Variants in KCNIP4 observed in about 807,000 individuals in gnomAD.
The protein encoded by KCNIP4 is potassium voltage-gated channel interacting protein 4.
KCNIP4 carries 12 observed loss-of-function variants against 34.0 expected under a neutral mutation model. The ratio of observed to expected loss-of-function variants is 0.35; its 90% CI spans 0.23 to 0.57. The LOEUF is 0.57. Ranked by LOEUF, KCNIP4 falls within the 20% of genes least tolerant of loss-of-function variation. The pLI is 0.83. For missense variants in KCNIP4, 238 were observed against 311.7 expected (o/e 0.76, Z 1.78); for synonymous variants, 124 against 102.2 (o/e 1.21, Z -1.29).
At chr4:21,128,455 T>C (rs961522581) in intron 1 of KCNIP4, among the ~76,000 whole-genome samples, 9 of 152,226 alleles carry the variant, frequency 5.9e-5, no homozygotes, top group African/African-American at 1.2e-4. Context: ...TTTTTCCCTA[T>C]ATGAAGCCAA....
intron 1 of KCNIP4, among the ~76,000 whole-genome samples, chr4:21,236,924 T>G (rs1207276495): frequency 3.3e-5 from 5 of 151,362 alleles, no homozygotes; most frequent in African/African-American, 1.2e-4. Context: ...GAGAATTGCT[T>G]GAACCTGGGA....
chr4:21,196,990 A>C (rs1756101095), intron 1 of KCNIP4, among the ~76,000 whole-genome samples: 1 of 152,196 alleles, frequency 6.6e-6, no homozygotes, highest in Admixed American at 6.5e-5. Flanking sequence ...ATGCTGATAT[A>C]TCACCAAATT....
chr4:21,663,877 C>T (rs1748634334), intron 1 of KCNIP4, among the ~76,000 whole-genome samples: 1 of 152,218 alleles, frequency 6.6e-6, no homozygotes, highest in African/African-American at 2.4e-5. Flanking sequence ...GTTGCAACTT[C>T]CTCAGAGTCA....
At chr4:21,166,362 T>C (rs1419546964) in intron 1 of KCNIP4, among the ~76,000 whole-genome samples, 1 of 152,144 alleles carries the variant, frequency 6.6e-6, no homozygotes, top group Non-Finnish European at 1.5e-5. Context: ...CATAATGAGA[T>C]ACTGTTACAC....
intron 1 of KCNIP4, among the ~76,000 whole-genome samples, chr4:21,590,278 T>C (rs1357828117): frequency 1.3e-5 from 2 of 151,948 alleles, no homozygotes; most frequent in African/African-American, 4.8e-5. Flanking sequence ...AAGAAAAGAA[T>C]AGCTATCAAG....
chr4:21,842,700 A>C (rs957811089), intron 1 of KCNIP4, among the ~76,000 whole-genome samples: 2 of 152,116 alleles, frequency 1.3e-5, no homozygotes, highest in Non-Finnish European at 2.9e-5. Flanking sequence ...GATTTTTAAG[A>C]AGTAATAGTC....
rs535374009 is a variant in KCNIP4 at position 21,574,460 on chromosome 4, C to G, written c.61+374111G>C. On this transcript the variant is annotated intron_variant, in intron 1 of 8. Transcript: ENST00000382152. ...GGCAGGTTTAATCAATGTTTCCAAGCTATTTGAATAGAAAAAGATTCCCCT... is the reference window on the plus strand; with the variant it reads ...GGCAGGTTTAATCAATGTTTCCAAGGTATTTGAATAGAAAAAGATTCCCCT... Among the ~76,000 whole-genome samples, 26 of 152,034 alleles carry G rather than the reference C, an allele frequency of 1.7e-4. 1 individual carries two copies. The East Asian group carries it at 5.0e-3, about 29-fold the overall frequency.
rs138522032 is a variant in KCNIP4, at chr4:21,202,800, T to C, written c.62-320091A>G. ...AATCCCATAATGGGCAGGGTAGGTATCCTGCTGGCTGTGTCACTCAATAGA... is the reference window on the plus strand; with the variant it reads ...AATCCCATAATGGGCAGGGTAGGTACCCTGCTGGCTGTGTCACTCAATAGA... On this transcript the variant is annotated intron_variant, in intron 1 of 8. Coordinates refer to ENST00000382152, the MANE Select transcript of KCNIP4 (RefSeq NM_025221.6). 8.9e-3 allele frequency among the ~76,000 whole-genome samples: 1,363 copies of C among 152,298 alleles called. 16 individuals carry two copies. Among genetic ancestry groups the C allele is most frequent in the Non-Finnish European group, 0.016 (1,060 of 68,030 alleles).
rs367899253 is a variant in KCNIP4, at chr4:20,919,656, T to C, written c.62-36947A>G. Among the ~76,000 whole-genome samples, 5 of 131,750 alleles carry C rather than the reference T, an allele frequency of 3.8e-5. 1 individual carries two copies. Among genetic ancestry groups the C allele is most frequent in the East Asian group, 2.2e-4 (1 of 4,536 alleles). The allele number at this position is 131,750 out of a possible 152,430, so 86.4% of individuals were successfully genotyped here. A position where few individuals can be genotyped will look rare whatever the true frequency, so the allele number is the denominator to read the frequency against. ...AGGCGGAGCTTGCCCTGAGCGGAGA[T>C]GGCACCACTGCACTCCAGCCTGGGC... On this transcript the variant is annotated intron_variant, in intron 1 of 8. Transcript: ENST00000382152.
At chr4:21,910,641 C>T (rs1008344800) in intron 1 of KCNIP4, among the ~76,000 whole-genome samples, 1 of 152,152 alleles carries the variant, frequency 6.6e-6, no homozygotes, top group African/African-American at 2.4e-5. Context: ...TGGGAAAAAT[C>T]AAAGCCATAA....
At chr4:21,094,677 T>C (rs1254453417) in intron 1 of KCNIP4, among the ~76,000 whole-genome samples, 2 of 152,158 alleles carry the variant, frequency 1.3e-5, no homozygotes, top group Non-Finnish European at 2.9e-5. Flanking sequence ...TGAGGCTAGG[T>C]TAGGAAAGAT....
chr4:20,730,432 ACAGAGGTG>A (rs971681978), intron 8 of KCNIP4, among the ~76,000 whole-genome samples: 15 of 151,926 alleles, frequency 9.9e-5, no homozygotes, highest in East Asian at 1.9e-4. Flanking sequence ...AATGGAAACT[ACAGAGGTG>A]CAGAGGTGTG....
intron 1 of KCNIP4, among the ~76,000 whole-genome samples, chr4:21,487,844 T>C (rs1322396019): frequency 6.6e-6 from 1 of 152,186 alleles, no homozygotes; most frequent in Non-Finnish European, 1.5e-5. Flanking sequence ...TTTGGCATCA[T>C]TGTAGATTTT....
intron 1 of KCNIP4, chr4:20,984,175 A>C (rs1736360835): frequency 3.9e-6 from 2 of 516,192 alleles, no homozygotes; most frequent in Admixed American, 3.5e-5. Context: ...CAGCGCACGG[A>C]CCTCTCCACT....
At chr4:21,723,300 A>G (rs1714957278) in intron 1 of KCNIP4, among the ~76,000 whole-genome samples, 1 of 152,154 alleles carries the variant, frequency 6.6e-6, no homozygotes, top group Non-Finnish European at 1.5e-5. Context: ...CAGGGTCCCC[A>G]GGACCCATAT....
At chr4:21,090,220 C>T (rs1042844523) in intron 1 of KCNIP4, among the ~76,000 whole-genome samples, 4 of 152,116 alleles carry the variant, frequency 2.6e-5, no homozygotes, top group East Asian at 1.9e-4. Flanking sequence ...ATTTGCATAA[C>T]GACTGTTGCT....
intron 1 of KCNIP4, chr4:21,846,825 C>T (rs1000851572): frequency 1.3e-5 from 2 of 152,100 alleles, no homozygotes; most frequent in African/African-American, 4.8e-5. Flanking sequence ...AACCCCAGAT[C>T]CCTATACAAC....
At chr4:21,202,294 T>C (rs1756552991) in intron 1 of KCNIP4, among the ~76,000 whole-genome samples, 1 of 152,218 alleles carries the variant, frequency 6.6e-6, no homozygotes, top group Admixed American at 6.5e-5. Context: ...TGGATGCAGC[T>C]GGAGGCTATT....
At chr4:20,766,019 ATATTT>A (rs1247282202) in intron 3 of KCNIP4, among the ~76,000 whole-genome samples, 23 of 152,200 alleles carry the variant, frequency 1.5e-4, no homozygotes, top group African/African-American at 5.5e-4. Flanking sequence ...ATTGGTATTG[ATATTT>A]TATAATTATT....
Sources: gnomAD v4.1 joint callset for allele counts (sites outside exome capture counted in the v4.1 genomes callset) on GRCh38, gnomAD v4.1.1 for gene constraint, MANE v1.5 for transcripts, NCBI Gene and HGNC (gene_info 2026-07-23, HGNC 2026-07-21) for gene names.